NFATC2: variants seen among roughly 807,000 people sequenced by gnomAD.
NFATC2 encodes the protein nuclear factor of activated T-cells, cytoplasmic 2.
A neutral mutation model predicts 87.3 loss-of-function variants in NFATC2; 22 were observed. That is an observed-to-expected ratio of 0.25 (90% CI 0.18 to 0.36). The LOEUF (loss-of-function observed/expected upper bound fraction) is 0.36. NFATC2 is among the 10% of genes least tolerant of loss of function. NFATC2 has a pLI of 1.00. For synonymous variants in NFATC2, 565 were observed against 542.2 expected, an observed-to-expected ratio of 1.04 and a Z score of -0.58; for missense variants, 1,149 against 1,259.1, an observed-to-expected ratio of 0.91 and a Z score of 1.32.
intron 10 of NFATC2, 59 bp downstream of exon 10, chr20:51,398,583 AT>A (rs1213389772): frequency 1.0e-5 from 11 of 1,081,872 alleles, no homozygotes; most frequent in Middle Eastern, 3.0e-4. Flanking sequence ...AAAAAAAAAA[AT>A]TCAAGTTAAG....
upstream of NFATC2, among the ~76,000 whole-genome samples, chr20:51,544,755 T>C (rs771066520): frequency 6.6e-6 from 1 of 152,198 alleles, no homozygotes; most frequent in African/African-American, 2.4e-5. Context: ...TTGATCAGAA[T>C]GTTTGGGGTT....
At chr20:51,506,258 A>T (rs1429582598) in intron 3 of NFATC2, among the ~76,000 whole-genome samples, 2 of 152,202 alleles carry the variant, frequency 1.3e-5, no homozygotes, top group Non-Finnish European at 2.9e-5. Flanking sequence ...AATGCCTCTG[A>T]GCCTTGGTTT....
chr20:51,489,787 TAA>T (rs2075851489), intron 3 of NFATC2, among the ~76,000 whole-genome samples: 1 of 152,186 alleles, frequency 6.6e-6, no homozygotes, highest in Non-Finnish European at 1.5e-5. Context: ...ACATACCAAG[TAA>T]TGACACCCAA....
intron 9 of NFATC2, among the ~76,000 whole-genome samples, chr20:51,415,603 C>T (rs1979941583): frequency 6.6e-6 from 1 of 152,224 alleles, no homozygotes; most frequent in African/African-American, 2.4e-5. Context: ...GCCTGGCTCA[C>T]AGCTGGGCCA....
chr20:51,445,608 T>G (rs961993131), intron 6 of NFATC2, among the ~76,000 whole-genome samples: 1 of 152,192 alleles, frequency 6.6e-6, no homozygotes, highest in Non-Finnish European at 1.5e-5. Context: ...ATCCTATATT[T>G]TCCCCCCTAA....
intron 2 of NFATC2, among the ~76,000 whole-genome samples, chr20:51,520,077 G>A (rs2076419444): frequency 6.6e-6 from 1 of 152,124 alleles, no homozygotes; most frequent in Non-Finnish European, 1.5e-5. Flanking sequence ...GAAGATTCTT[G>A]CAAAGACCAC....
At chr20:51,545,364 C>T (rs891427540), upstream of NFATC2, among the ~76,000 whole-genome samples, 2 of 152,218 alleles carry the variant, frequency 1.3e-5, no homozygotes, top group East Asian at 1.9e-4. Context: ...CTTGGTAGAG[C>T]TATCAACCCA....
intron 2 of NFATC2, among the ~76,000 whole-genome samples, chr20:51,520,102 G>A (rs2076419827): frequency 6.6e-6 from 1 of 152,144 alleles, no homozygotes; most frequent in Non-Finnish European, 1.5e-5. Flanking sequence ...GCTGGCACAG[G>A]TTGGTACTTG....
At chr20:51,490,314 AG>A (rs1026620636) in intron 3 of NFATC2, among the ~76,000 whole-genome samples, 2 of 152,204 alleles carry the variant, frequency 1.3e-5, no homozygotes, top group African/African-American at 4.8e-5. Context: ...AAGGTCATGC[AG>A]CTAAGAAGAG....
At chr20:51,508,523 G>C (rs1017059735) in intron 3 of NFATC2, among the ~76,000 whole-genome samples, 5 of 152,076 alleles carry the variant, frequency 3.3e-5, no homozygotes, top group South Asian at 2.1e-4. Context: ...TAGACAAGGA[G>C]GAGGTGGTGA....
intron 1 of NFATC2, among the ~76,000 whole-genome samples, chr20:51,525,483 C>T (rs910765077): frequency 6.6e-6 from 1 of 152,112 alleles, no homozygotes; most frequent in East Asian, 1.9e-4. Context: ...GGTCCAGGCA[C>T]GTGGGGCTGC....
intron 3 of NFATC2, among the ~76,000 whole-genome samples, chr20:51,500,375 G>A (rs988188252): frequency 7.2e-5 from 11 of 152,196 alleles, no homozygotes; most frequent in African/African-American, 2.6e-4. Context: ...GGAGTTGCAA[G>A]TTAAGGCAAC....
At position 51,475,454 on chromosome 20, in the gene NFATC2, T is replaced by G; in HGVS notation, c.1535+4A>C. ...ACCCGCCGCCCTCAGCTCCCAGCCCTTACGTTGCCCTCATGTTGTTTTTGG... is the reference window on the plus strand; with the variant it reads ...ACCCGCCGCCCTCAGCTCCCAGCCCGTACGTTGCCCTCATGTTGTTTTTGG... On this transcript the variant is annotated splice_donor_region_variant and intron_variant, in intron 4 of 10. Coordinates refer to ENST00000371564, the MANE Select transcript of NFATC2 (RefSeq NM_012340.5). The G allele has an allele frequency of 6.2e-7, 1 of 1,613,478 alleles. No individual in the cohort carries two copies. The highest frequency in any genetic ancestry group is 8.5e-7 in the Non-Finnish European group (1 of 1,179,990).
At chr20:51,517,359 T>C (rs1022239762) in intron 2 of NFATC2, among the ~76,000 whole-genome samples, 3 of 151,866 alleles carry the variant, frequency 2.0e-5, no homozygotes, top group Non-Finnish European at 4.4e-5. Context: ...GAAGACAACA[T>C]GGGTGGATCA....
At chr20:51,436,897 G>A (rs984829923) in intron 6 of NFATC2, among the ~76,000 whole-genome samples, 9 of 152,184 alleles carry the variant, frequency 5.9e-5, no homozygotes, top group South Asian at 4.2e-4. Context: ...TTAAAGATGC[G>A]GCCCCAAGTC....
At chr20:51,489,058 C>G (rs187190133) in intron 3 of NFATC2, among the ~76,000 whole-genome samples, 3 of 152,166 alleles carry the variant, frequency 2.0e-5, no homozygotes, top group Non-Finnish European at 2.9e-5. Flanking sequence ...GACAGGGTGG[C>G]GGGCGCCTGC....
At chr20:51,406,279 C>T (rs936290830) in intron 9 of NFATC2, among the ~76,000 whole-genome samples, 7 of 152,228 alleles carry the variant, frequency 4.6e-5, no homozygotes, top group African/African-American at 1.7e-4. Context: ...ATACGCTTCT[C>T]TGAATGCAGC....
At chr20:51,526,117 A>G (rs1384608522) in intron 1 of NFATC2, among the ~76,000 whole-genome samples, 3 of 151,888 alleles carry the variant, frequency 2.0e-5, no homozygotes, top group Non-Finnish European at 4.4e-5. Context: ...CGACCCATCA[A>G]AAAGATCCCC....
intron 8 of NFATC2, among the ~76,000 whole-genome samples, chr20:51,434,590 A>T (rs1983274692): frequency 1.3e-5 from 2 of 152,256 alleles, no homozygotes; most frequent in South Asian, 4.1e-4. Context: ...CCACATGGAC[A>T]GGGATTCTTA....
Sources: gnomAD v4.1 joint callset for allele counts (sites outside exome capture counted in the v4.1 genomes callset) on GRCh38, gnomAD v4.1.1 for gene constraint, MANE v1.5 for transcripts, NCBI Gene and HGNC (gene_info 2026-07-23, HGNC 2026-07-21) for gene names.